The following SH3RF3 variants were observed in gnomAD, a reference collection of about 807,000 sequenced individuals.
SH3RF3 encodes SH3 domain containing ring finger 3.
A neutral mutation model predicts 66.3 loss-of-function variants in SH3RF3; 29 were observed. That is an observed-to-expected ratio of 0.44 (90% CI 0.33 to 0.60). SH3RF3 has a LOEUF of 0.60. Ranked by LOEUF, SH3RF3 falls within the 20% of genes least tolerant of loss-of-function variation. The pLI, the probability that SH3RF3 is intolerant of heterozygous loss-of-function variation, is 0.04. For synonymous variants in SH3RF3, 583 were observed against 532.0 expected (o/e 1.10, Z -1.32); for missense variants, 1,194 against 1,190.9 (o/e 1.00, Z -0.04).
intron 3 of SH3RF3, among the ~76,000 whole-genome samples, chr2:109,390,521 A>G (rs1171094698): frequency 2.0e-5 from 3 of 152,226 alleles, no homozygotes; most frequent in Non-Finnish European, 4.4e-5. Flanking sequence ...CAGGAGGGAC[A>G]CATCACCCAA....
chr2:109,234,008 A>T (rs189451229), intron 1 of SH3RF3, among the ~76,000 whole-genome samples: 1 of 152,324 alleles, frequency 6.6e-6, no homozygotes, highest in Non-Finnish European at 1.5e-5. Flanking sequence ...AAGCCACAGT[A>T]AACATTGACA....
intron 1 of SH3RF3, among the ~76,000 whole-genome samples, chr2:109,244,012 A>G (rs1472899981): frequency 6.6e-6 from 1 of 152,224 alleles, no homozygotes; most frequent in Non-Finnish European, 1.5e-5. Context: ...AGTTTTTGCC[A>G]TCAGCAGTGA....
At chr2:109,421,869 T>C (rs1253515527) in intron 5 of SH3RF3, among the ~76,000 whole-genome samples, 4 of 152,214 alleles carry the variant, frequency 2.6e-5, no homozygotes, top group Admixed American at 6.5e-5. Flanking sequence ...ATGGCTGTTA[T>C]ACTGAGTAGC....
intron 1 of SH3RF3, among the ~76,000 whole-genome samples, chr2:109,188,656 T>C (rs957726212): frequency 1.3e-5 from 2 of 152,206 alleles, no homozygotes; most frequent in African/African-American, 4.8e-5. Context: ...TGCCGAGGGC[T>C]GGAATGCAAA....
At chr2:109,441,085 A>G (rs1677549647) in intron 7 of SH3RF3, among the ~76,000 whole-genome samples, 1 of 148,482 alleles carries the variant, frequency 6.7e-6, no homozygotes, top group African/African-American at 2.5e-5. Flanking sequence ...ATTTCTGATT[A>G]ATTTATCTTT....
chr2:109,426,348 C>A (rs920782281), intron 5 of SH3RF3, among the ~76,000 whole-genome samples: 2 of 152,134 alleles, frequency 1.3e-5, no homozygotes, highest in Admixed American at 6.5e-5. Context: ...GGGAGGAGGT[C>A]AAAATATCAA....
intron 2 of SH3RF3, among the ~76,000 whole-genome samples, chr2:109,358,554 A>C (rs1050875260): frequency 3.9e-5 from 6 of 152,174 alleles, no homozygotes; most frequent in African/African-American, 1.4e-4. Flanking sequence ...CATCCTCATC[A>C]ACACACTACA....
chr2:109,281,649 A>G (rs1244092514), intron 1 of SH3RF3, among the ~76,000 whole-genome samples: 2 of 152,188 alleles, frequency 1.3e-5, no homozygotes, highest in African/African-American at 2.4e-5. Flanking sequence ...ATAAGTGTTT[A>G]GAGTGAGCAG....
chr2:109,272,609 G>T (rs946042665), intron 1 of SH3RF3, among the ~76,000 whole-genome samples: 4 of 152,232 alleles, frequency 2.6e-5, no homozygotes, highest in African/African-American at 7.2e-5. Flanking sequence ...TGCTGCAGGC[G>T]AGTGGTGAGC....
intron 1 of SH3RF3, among the ~76,000 whole-genome samples, chr2:109,331,387 T>G (rs1470774914): frequency 6.6e-6 from 1 of 152,092 alleles, no homozygotes; most frequent in African/African-American, 2.4e-5. Context: ...TCCCCTTGTT[T>G]TGCATCATGA....
chr2:109,408,551 C>T (rs911204110), intron 4 of SH3RF3, among the ~76,000 whole-genome samples: 2 of 152,230 alleles, frequency 1.3e-5, no homozygotes, highest in South Asian at 2.1e-4. Context: ...GCTCTCAGGA[C>T]CTCGTCCTCC....
intron 1 of SH3RF3, among the ~76,000 whole-genome samples, chr2:109,270,580 C>A (rs1680601491): frequency 6.6e-6 from 1 of 152,150 alleles, no homozygotes; most frequent in Non-Finnish European, 1.5e-5. Context: ...CGTTTCAGGT[C>A]AAAGCGGACT....
At chr2:109,235,498 G>A (rs544830042) in intron 1 of SH3RF3, among the ~76,000 whole-genome samples, 3 of 152,354 alleles carry the variant, frequency 2.0e-5, no homozygotes, top group Admixed American at 2.0e-4. Context: ...ACAGGTGTGG[G>A]TGGCACATGG....
chr2:109,255,704 G>A (rs1680206887), intron 1 of SH3RF3, among the ~76,000 whole-genome samples: 1 of 152,198 alleles, frequency 6.6e-6, no homozygotes, highest in African/African-American at 2.4e-5. Context: ...GGACACTGGG[G>A]TGATAATTCA....
chr2:109,375,596 G>C (rs1683363980), intron 3 of SH3RF3, among the ~76,000 whole-genome samples: 1 of 152,264 alleles, frequency 6.6e-6, no homozygotes, highest in African/African-American at 2.4e-5. Flanking sequence ...TAAGGGGAGT[G>C]AGGATGAGCC....
intron 3 of SH3RF3, among the ~76,000 whole-genome samples, chr2:109,393,161 A>C (rs1459498134): frequency 6.6e-6 from 1 of 152,192 alleles, no homozygotes; most frequent in Non-Finnish European, 1.5e-5. Context: ...TTGAAGCTTT[A>C]AGGCCAGCAA....
chr2:109,455,126 C>T (rs529547434), intron 8 of SH3RF3, among the ~76,000 whole-genome samples: 1 of 152,318 alleles, frequency 6.6e-6, no homozygotes, highest in South Asian at 2.1e-4. Flanking sequence ...GAATGCTGGC[C>T]TCCTGCCTCC....
At chr2:109,297,305 C>T (rs1285996456) in intron 1 of SH3RF3, among the ~76,000 whole-genome samples, 2 of 152,130 alleles carry the variant, frequency 1.3e-5, no homozygotes, top group Non-Finnish European at 2.9e-5. Context: ...CTGACTTCTG[C>T]TTCCATCTTC....
intron 1 of SH3RF3, among the ~76,000 whole-genome samples, chr2:109,182,926 T>C (rs1678103385): frequency 6.6e-6 from 1 of 152,188 alleles, no homozygotes; most frequent in South Asian, 2.1e-4. Flanking sequence ...ACTTAAACGT[T>C]TCCCATGAAT....
Sources: allele counts gnomAD v4.1 joint callset (sites outside exome capture counted in the v4.1 genomes callset), GRCh38; gene constraint gnomAD v4.1.1; transcripts MANE v1.5; gene names NCBI Gene and HGNC (gene_info 2026-07-23, HGNC 2026-07-21).